Variants in PPFIBP1 observed in about 807,000 individuals in gnomAD.
PPFIBP1 encodes the protein PPFIB scaffold protein 1.
A neutral mutation model predicts 137.8 loss-of-function variants in PPFIBP1; 112 were observed. That is an observed-to-expected ratio of 0.81 (90% CI 0.70 to 0.95). PPFIBP1 has a LOEUF of 0.95. PPFIBP1 is among the 40% of genes least tolerant of loss of function. The pLI, the probability that PPFIBP1 is intolerant of heterozygous loss-of-function variation, is 0.00. For synonymous variants in PPFIBP1, 378 were observed against 417.3 expected (o/e 0.91, Z 1.15); for missense variants, 1,083 against 1,196.6 (o/e 0.91, Z 1.40).
chr12:27,659,047 G>A (rs2059385830), intron 10 of PPFIBP1, among the ~76,000 whole-genome samples, 199 bp downstream of exon 10: 1 of 152,198 alleles, frequency 6.6e-6, no homozygotes. Context: ...TGAAGATTTT[G>A]TCTGATTCAA....
chr12:27,692,677 GA>G, intron 29 of PPFIBP1, 21 bp downstream of exon 29: 6 of 1,614,030 alleles, frequency 3.7e-6, no homozygotes, highest in Non-Finnish European at 4.2e-6. Flanking sequence ...GAAATGAATT[GA>G]AAATGTTATT....
At position 27,593,878 on chromosome 12, in the gene PPFIBP1, G is replaced by C. The variant is rs28572735; in HGVS notation, c.-36+15639G>C. 4.9e-3 allele frequency: 7,149 copies of C among 1,468,574 alleles called. 246 individuals carry two copies. The African/African-American group carries it at 0.08, about 16-fold the overall frequency. The allele number at this position is 1,468,574 out of a possible 1,614,324, so 91.0% of individuals were successfully genotyped here. ...TCCCCCATGCCCCTTGGATGGGAGG[G>C]AGAAAGTGGATGGAAGGACCCTTGG... On this transcript the variant is annotated intron_variant, in intron 2 of 29. Coordinates refer to ENST00000228425, the MANE Select transcript of PPFIBP1 (RefSeq NM_003622.4).
chr12:27,615,563 A>G (rs956416173), intron 2 of PPFIBP1, among the ~76,000 whole-genome samples: 2 of 152,248 alleles, frequency 1.3e-5, no homozygotes, highest in Non-Finnish European at 2.9e-5. Context: ...ATAGTCTATA[A>G]TAAGGTAATG....
intron 12 of PPFIBP1, among the ~76,000 whole-genome samples, chr12:27,665,906 C>T (rs1217179586): frequency 1.3e-5 from 2 of 152,200 alleles, no homozygotes; most frequent in Non-Finnish European, 2.9e-5. Context: ...TCTCATCACT[C>T]AGCATTTTCC....
chr12:27,527,140 T>C (rs985598205), intron 1 of PPFIBP1, among the ~76,000 whole-genome samples: 1 of 152,222 alleles, frequency 6.6e-6, no homozygotes, highest in Non-Finnish European at 1.5e-5. Context: ...AAATTTAGAT[T>C]ATGTTGATAA....
intron 2 of PPFIBP1, among the ~76,000 whole-genome samples, chr12:27,598,600 C>CT (rs1480082104): frequency 4.6e-5 from 7 of 151,816 alleles, no homozygotes; most frequent in African/African-American, 9.7e-5. Context: ...AAATATACAA[C>CT]TCAGGTAGTG....
chr12:27,539,817 G>A (rs56260309), intron 1 of PPFIBP1, among the ~76,000 whole-genome samples: 25,254 of 151,984 alleles, frequency 0.17, 2,360 homozygotes, highest in Middle Eastern at 0.26. Flanking sequence ...TTCACATGAA[G>A]GTATAATTAG....
At chr12:27,655,000 G>A (rs2059107171) in intron 8 of PPFIBP1, 186 bp downstream of exon 8, 16 of 1,143,214 alleles carry the variant, frequency 1.4e-5, no homozygotes, top group Non-Finnish European at 1.9e-5. Context: ...TTAAAAACAA[G>A]GCTTAACTCA....
chr12:27,661,659 G>T (rs1358187429), intron 11 of PPFIBP1, among the ~76,000 whole-genome samples: 1 of 152,182 alleles, frequency 6.6e-6, no homozygotes, highest in Admixed American at 6.5e-5. Context: ...CTGCCTGAAT[G>T]AATAGAACCA....
chr12:27,646,137 C>G lies in PPFIBP1; in HGVS notation c.346C>G (p.Leu116Val). Residue 116 changes from leucine (L) to valine (V), a missense_variant, in exon 5 of 30, where the codon CTC becomes GTC. Coordinates refer to ENST00000228425, the MANE Select transcript of PPFIBP1 (RefSeq NM_003622.4). ...ACGTTTAGAAAATGATAAAGAATCCCTCGTTCTTCAGGCAAGTGATTTTTA... is the reference window on the plus strand; with the variant it reads ...ACGTTTAGAAAATGATAAAGAATCCGTCGTTCTTCAGGCAAGTGATTTTTA... ...LARLENDKES[L>V]VLQVSVLTDQ... 2 of 1,606,572 alleles carry G rather than the reference C, an allele frequency of 1.2e-6. No homozygotes were observed. Among genetic ancestry groups the G allele is most frequent in the Non-Finnish European group, 1.7e-6 (2 of 1,173,464 alleles).
rs572154825 is a variant in PPFIBP1, at chr12:27,546,370, A to G, written c.-124+22005A>G. ...ATGAGATCACATGTAAAATGCTGTA[A>G]AAAATTAAATAATAGTGTGATTTTT... On this transcript the variant is annotated intron_variant, in intron 1 of 29. Coordinates refer to ENST00000228425, the MANE Select transcript of PPFIBP1 (RefSeq NM_003622.4). Among the ~76,000 whole-genome samples, 23 of 152,346 alleles carry G rather than the reference A, an allele frequency of 1.5e-4. No individual in the cohort carries two copies. The South Asian group carries it at 2.9e-3, about 19-fold the overall frequency.
In PPFIBP1 at chr12:27,608,730, A is replaced by G. The variant is rs1443236212; in HGVS notation, c.-35-24632A>G. Reference sequence around the variant, plus strand: ...GGACACCGATAAAACATAGTGTATGATATCAGTCAGACTTAGTGTCTTTCT... The same window carrying G: ...GGACACCGATAAAACATAGTGTATGGTATCAGTCAGACTTAGTGTCTTTCT... On this transcript the variant is annotated intron_variant, in intron 2 of 29. Transcript: ENST00000228425. The G allele has an allele frequency of 5.3e-5, 18 of 337,102 alleles. 1 individual carries two copies. The highest frequency in any genetic ancestry group is 2.3e-4 in the South Asian group (9 of 39,332). The allele number at this position is 337,102 out of a possible 1,614,324, so 20.9% of individuals were successfully genotyped here.
At chr12:27,540,198 A>G (rs1945492160) in intron 1 of PPFIBP1, among the ~76,000 whole-genome samples, 1 of 151,644 alleles carries the variant, frequency 6.6e-6, no homozygotes, top group Non-Finnish European at 1.5e-5. Flanking sequence ...GTAGGATTAT[A>G]GGCATGTGCC....
intron 7 of PPFIBP1, among the ~76,000 whole-genome samples, chr12:27,651,612 A>G (rs995910183): frequency 1.6e-4 from 24 of 152,180 alleles, no homozygotes; most frequent in Admixed American, 1.5e-3. Flanking sequence ...GTAAAGTAAT[A>G]GTAAAACTCA....
intron 2 of PPFIBP1, among the ~76,000 whole-genome samples, chr12:27,621,505 A>G (rs2138571242): frequency 6.6e-6 from 1 of 152,324 alleles, no homozygotes; most frequent in Middle Eastern, 3.4e-3. Flanking sequence ...TTAATATTGT[A>G]ATAGGAAATA....
chr12:27,613,962 C>T (rs2138263964), intron 2 of PPFIBP1, among the ~76,000 whole-genome samples: 1 of 152,250 alleles, frequency 6.6e-6, no homozygotes, highest in East Asian at 1.9e-4. Context: ...GACTCCACAC[C>T]CCAGGTCCAG....
chr12:27,596,570 G>A (rs1224530247), intron 2 of PPFIBP1, among the ~76,000 whole-genome samples: 5 of 152,018 alleles, frequency 3.3e-5, no homozygotes, highest in Non-Finnish European at 7.4e-5. Context: ...TGCCCAGGCT[G>A]GAGTACAATG....
chr12:27,614,033 T>C (rs576789795), intron 2 of PPFIBP1, among the ~76,000 whole-genome samples: 29 of 152,226 alleles, frequency 1.9e-4, no homozygotes, highest in Non-Finnish European at 3.4e-4. Flanking sequence ...AAAATGGTTT[T>C]AGCAGACATT....
intron 1 of PPFIBP1, among the ~76,000 whole-genome samples, chr12:27,565,474 T>C (rs750073694): frequency 6.6e-6 from 1 of 152,216 alleles, no homozygotes; most frequent in Non-Finnish European, 1.5e-5. Flanking sequence ...CTTTCTTTTT[T>C]CACCTCACCG....
Sources: allele counts gnomAD v4.1 joint callset (sites outside exome capture counted in the v4.1 genomes callset), GRCh38; gene constraint gnomAD v4.1.1; transcripts MANE v1.5; gene names NCBI Gene and HGNC (gene_info 2026-07-23, HGNC 2026-07-21).